The following DGKB variants were observed in gnomAD, a reference collection of about 807,000 sequenced individuals.
DGKB encodes the protein 90 kDa diacylglycerol kinase.
DGKB carries 67 observed loss-of-function variants against 114.3 expected under a neutral mutation model. That is an observed-to-expected ratio of 0.59 (90% CI 0.48 to 0.72). The LOEUF (loss-of-function observed/expected upper bound fraction) is 0.72. Ranked by LOEUF, DGKB falls within the 30% of genes least tolerant of loss-of-function variation. DGKB has a pLI of 0.00. For synonymous variants in DGKB, 398 were observed against 323.1 expected (o/e 1.23, Z -2.49); for missense variants, 907 against 975.2 (o/e 0.93, Z 0.93).
At chr7:14,561,897 T>C (rs1317441128) in intron 20 of DGKB, among the ~76,000 whole-genome samples, 1 of 152,214 alleles carries the variant, frequency 6.6e-6, no homozygotes, top group Non-Finnish European at 1.5e-5. Flanking sequence ...AGCCCAATGT[T>C]ATTCACCAAG....
chr7:14,184,048 G>A (rs1406500178), intron 23 of DGKB, among the ~76,000 whole-genome samples: 3 of 152,158 alleles, frequency 2.0e-5, no homozygotes, highest in Non-Finnish European at 2.9e-5. Flanking sequence ...CCATTTGCAG[G>A]AGAAGTTTCC....
chr7:14,750,085 T>C, intron 4 of DGKB: 1 of 514,202 alleles, frequency 1.9e-6, no homozygotes, highest in Non-Finnish European at 3.9e-6. Flanking sequence ...CATTTAGTCA[T>C]CACAAAACCT....
intron 23 of DGKB, among the ~76,000 whole-genome samples, chr7:14,252,233 A>G (rs1483961136): frequency 6.6e-6 from 1 of 152,136 alleles, no homozygotes; most frequent in African/African-American, 2.4e-5. Flanking sequence ...ACCCAGATCA[A>G]GTCTGCTGTT....
intron 20 of DGKB, among the ~76,000 whole-genome samples, chr7:14,552,371 G>C (rs1368778610): frequency 1.3e-5 from 2 of 152,138 alleles, no homozygotes; most frequent in Non-Finnish European, 2.9e-5. Flanking sequence ...CAATATTTTA[G>C]ATTTTTATAC....
intron 18 of DGKB, among the ~76,000 whole-genome samples, chr7:14,581,649 A>G (rs1799949203): frequency 6.6e-6 from 1 of 152,224 alleles, no homozygotes; most frequent in South Asian, 2.1e-4. Context: ...TCACAAATGT[A>G]TATCACTTTC....
At chr7:14,970,620 T>C (rs1353275698) in intron 1 of DGKB, among the ~76,000 whole-genome samples, 1 of 152,132 alleles carries the variant, frequency 6.6e-6, no homozygotes, top group Non-Finnish European at 1.5e-5. Context: ...TGCTCCCGTG[T>C]CATCAATCAC....
intron 1 of DGKB, among the ~76,000 whole-genome samples, chr7:14,939,337 G>GA (rs1785437303): frequency 1.3e-5 from 2 of 152,108 alleles, no homozygotes; most frequent in African/African-American, 4.8e-5. Flanking sequence ...GTTGAGTGCT[G>GA]AAAAAAGTAG....
At chr7:14,846,077 G>A (rs534557618) in intron 1 of DGKB, among the ~76,000 whole-genome samples, 1 of 152,240 alleles carries the variant, frequency 6.6e-6, no homozygotes, top group African/African-American at 2.4e-5. Context: ...GATTTAGCAT[G>A]ACCTGGTCAA....
At chr7:14,618,430 G>A (rs1017927129) in intron 15 of DGKB, among the ~76,000 whole-genome samples, 1 of 151,518 alleles carries the variant, frequency 6.6e-6, no homozygotes, top group Non-Finnish European at 1.5e-5. Context: ...ATTTGGAAAT[G>A]TTTCTCAAAG....
intron 25 of DGKB, among the ~76,000 whole-genome samples, chr7:14,172,110 A>G (rs1341822973): frequency 6.6e-6 from 1 of 152,202 alleles, no homozygotes; most frequent in African/African-American, 2.4e-5. Flanking sequence ...GAGCCTCAAA[A>G]GATGTGTTGT....
At chr7:14,952,280 T>A (rs572017685) in intron 1 of DGKB, among the ~76,000 whole-genome samples, 1 of 152,154 alleles carries the variant, frequency 6.6e-6, no homozygotes, top group African/African-American at 2.4e-5. Context: ...TCCAAAATTA[T>A]AAGACTATAA....
At chr7:14,628,082 T>C (rs1029470861) in intron 14 of DGKB, among the ~76,000 whole-genome samples, 27 of 152,302 alleles carry the variant, frequency 1.8e-4, no homozygotes, top group Admixed American at 1.4e-3. Context: ...GGCAGCTCTC[T>C]TATGCTCACA....
At chr7:14,169,215 A>G (rs1380532967) in intron 25 of DGKB, among the ~76,000 whole-genome samples, 5 of 150,578 alleles carry the variant, frequency 3.3e-5, no homozygotes, top group African/African-American at 9.7e-5. Flanking sequence ...AAAAAAAAAA[A>G]TTAGCCAGGT....
intron 23 of DGKB, among the ~76,000 whole-genome samples, chr7:14,258,806 A>G (rs1796311458): frequency 6.6e-6 from 1 of 152,200 alleles, no homozygotes; most frequent in Non-Finnish European, 1.5e-5. Context: ...AGGAATAAAA[A>G]AGAATCCATA....
At chr7:14,808,522 T>G (rs1188915401) in intron 2 of DGKB, among the ~76,000 whole-genome samples, 2 of 152,228 alleles carry the variant, frequency 1.3e-5, no homozygotes, top group East Asian at 1.9e-4. Context: ...GTAAAGAGTT[T>G]CAAGGATAGA....
intron 2 of DGKB, among the ~76,000 whole-genome samples, chr7:14,805,784 T>C (rs1842723205): frequency 6.6e-6 from 1 of 151,554 alleles, no homozygotes; most frequent in Non-Finnish European, 1.5e-5. Context: ...TGCTTATGCT[T>C]CTTTCTGGTT....
At chr7:14,224,833 A>G (rs62445577) in intron 23 of DGKB, among the ~76,000 whole-genome samples, 4,208 of 152,116 alleles carry the variant, frequency 0.028, 84 homozygotes, top group Middle Eastern at 0.061. Flanking sequence ...TTCTTTGACC[A>G]TATTCAATTT....
intron 23 of DGKB, among the ~76,000 whole-genome samples, chr7:14,279,160 T>C (rs1018240244): frequency 2.6e-5 from 4 of 152,162 alleles, no homozygotes; most frequent in Admixed American, 6.5e-5. Context: ...ACCCGAATAC[T>C]GCGCTTTTCC....
At chr7:14,928,209 G>A (rs1784837620) in intron 1 of DGKB, among the ~76,000 whole-genome samples, 1 of 151,878 alleles carries the variant, frequency 6.6e-6, no homozygotes, top group Non-Finnish European at 1.5e-5. Flanking sequence ...TGAACTTGTA[G>A]AGCTTGCATC....
Sources: allele counts gnomAD v4.1 joint callset (sites outside exome capture counted in the v4.1 genomes callset), GRCh38; gene constraint gnomAD v4.1.1; transcripts MANE v1.5; gene names NCBI Gene and HGNC (gene_info 2026-07-23, HGNC 2026-07-21).